Variants in TSPAN15 observed in about 807,000 individuals in gnomAD.
TSPAN15 encodes tetraspanin-15.
TSPAN15 carries 20 observed loss-of-function variants against 34.5 expected under a neutral mutation model. That is an observed-to-expected ratio of 0.58 (90% confidence interval 0.41 to 0.84). The LOEUF is 0.84. Among genes scored for constraint, TSPAN15 ranks in the 40% least tolerant of loss-of-function variants. The pLI, the probability that TSPAN15 is intolerant of heterozygous loss-of-function variation, is 0.00. For missense variants in TSPAN15, 313 were observed against 386.1 expected (o/e 0.81, Z 1.59); for synonymous variants, 155 against 153.9 (o/e 1.01, Z -0.05).
chr10:69,536,495 T>C, the TSPAN15 span, among the ~76,000 whole-genome samples: 5 of 152,272 alleles, frequency 3.3e-5, no homozygotes, highest in South Asian at 1.0e-3. Context: ...AGGGCTGCCA[T>C]TACAAAATAT....
chr10:69,469,326 G>C (rs1203984806), intron 1 of TSPAN15, among the ~76,000 whole-genome samples: 1 of 152,188 alleles, frequency 6.6e-6, no homozygotes, highest in Non-Finnish European at 1.5e-5. Context: ...GTTAATATAA[G>C]TAACCCTGAG....
At position 69,507,164 on chromosome 10, in the gene TSPAN15, C is replaced by A. The variant is rs542266124; in HGVS notation, c.*186C>A. 47 of 1,429,460 alleles carry A rather than the reference C, an allele frequency of 3.3e-5. No homozygotes were observed. In the Middle Eastern group the frequency reaches 1.0e-3, roughly 31 times the overall value. The allele number at this position is 1,429,460 out of a possible 1,614,324, so 88.5% of individuals were successfully genotyped here. A position where few individuals can be genotyped will look rare whatever the true frequency, so the allele number is the denominator to read the frequency against. On this transcript the variant is annotated 3_prime_UTR_variant, in exon 8 of 8. Transcript: ENST00000373290. ...CCCCAGGGAGCAGAGCCTGGGCCTC[C>A]CCTAAGAGGCTTTCCCCGAGGCAGC...
chr10:69,544,785 C>T, the TSPAN15 span, among the ~76,000 whole-genome samples: 11 of 152,262 alleles, frequency 7.2e-5, no homozygotes, highest in Admixed American at 2.0e-4. Context: ...GGGCCACAAG[C>T]GTGTCCAGTC....
chr10:69,497,080 G>T (rs1842101673), intron 4 of TSPAN15, among the ~76,000 whole-genome samples: 1 of 152,214 alleles, frequency 6.6e-6, no homozygotes, highest in Non-Finnish European at 1.5e-5. Context: ...CTGAGGCTCA[G>T]AGAGGCTGAC....
At chr10:69,490,971 TAG>T (rs1841956540) in intron 3 of TSPAN15, among the ~76,000 whole-genome samples, 2 of 152,212 alleles carry the variant, frequency 1.3e-5, no homozygotes, top group South Asian at 4.1e-4. Context: ...CTTACAGAAG[TAG>T]AGAGTGCTTC....
chr10:69,540,189 G>A, the TSPAN15 span, among the ~76,000 whole-genome samples: 3,978 of 152,038 alleles, frequency 0.026, 165 homozygotes, highest in African/African-American at 0.091. Context: ...TCAGGAGATC[G>A]AGACCATCCT....
chr10:69,508,159 A>G (rs1336664757), downstream of TSPAN15, among the ~76,000 whole-genome samples: 1 of 152,126 alleles, frequency 6.6e-6, no homozygotes, highest in Admixed American at 6.5e-5. Flanking sequence ...TAAAGTAGCA[A>G]GAGGCCGGGC....
intron 2 of TSPAN15, among the ~76,000 whole-genome samples, chr10:69,484,726 C>G (rs373051423): frequency 1.7e-4 from 26 of 152,088 alleles, no homozygotes; most frequent in East Asian, 1.2e-3. Context: ...TGTGGGGGAT[C>G]TGGGAAGTCA....
chr10:69,459,928 C>G (rs547218915), intron 1 of TSPAN15, among the ~76,000 whole-genome samples: 3 of 133,886 alleles, frequency 2.2e-5, no homozygotes, highest in South Asian at 2.5e-4. Context: ...GCACCCCCCC[C>G]CCACGAATGG....
At chr10:69,547,383 G>A in the TSPAN15 span, among the ~76,000 whole-genome samples, 1 of 152,132 alleles carries the variant, frequency 6.6e-6, no homozygotes, top group African/African-American at 2.4e-5. Flanking sequence ...ACCAGGCCCT[G>A]TGCTCACTGC....
intron 1 of TSPAN15, among the ~76,000 whole-genome samples, chr10:69,466,902 C>T (rs1280102046): frequency 6.6e-6 from 1 of 152,190 alleles, no homozygotes; most frequent in Non-Finnish European, 1.5e-5. Flanking sequence ...AGTTGGCGCT[C>T]TGAGGGAGAT....
the TSPAN15 span, among the ~76,000 whole-genome samples, chr10:69,526,730 C>T: frequency 3.1e-5 from 4 of 129,270 alleles, 1 homozygote; most frequent in Non-Finnish European, 6.3e-5. Context: ...GTTGAGGCTG[C>T]TATGAGCCAT....
intron 5 of TSPAN15, among the ~76,000 whole-genome samples, chr10:69,502,382 CTTG>C (rs895478637): frequency 2.0e-5 from 3 of 152,190 alleles, no homozygotes; most frequent in Admixed American, 6.5e-5. Context: ...CCTCCCCTCC[CTTG>C]TTGTTGGCTA....
the TSPAN15 span, among the ~76,000 whole-genome samples, chr10:69,539,859 G>A: frequency 5.9e-5 from 9 of 152,026 alleles, no homozygotes; most frequent in Admixed American, 5.9e-4. Flanking sequence ...TCCTTTTAAG[G>A]AAGAAACCCA....
At chr10:69,480,377 A>G (rs1018864531) in intron 1 of TSPAN15, among the ~76,000 whole-genome samples, 2 of 152,208 alleles carry the variant, frequency 1.3e-5, no homozygotes, top group African/African-American at 4.8e-5. Context: ...TTTCAAAAGT[A>G]TATCGGGCCA....
intron 1 of TSPAN15, among the ~76,000 whole-genome samples, chr10:69,457,813 G>A (rs1477539587): frequency 6.6e-6 from 1 of 152,158 alleles, no homozygotes; most frequent in East Asian, 1.9e-4. Flanking sequence ...CAGATTAGAT[G>A]GATTAATACA....
chr10:69,515,536 TA>T, the TSPAN15 span, among the ~76,000 whole-genome samples: 65 of 152,176 alleles, frequency 4.3e-4, no homozygotes, highest in African/African-American at 1.5e-3. Context: ...AGAGGAAAGA[TA>T]AAGGCCAGAC....
At chr10:69,505,567 CTT>C (rs202092249) in intron 6 of TSPAN15, among the ~76,000 whole-genome samples, 2,022 of 143,202 alleles carry the variant, frequency 0.014, 51 homozygotes, top group African/African-American at 0.048. Flanking sequence ...TGCAGAAATG[CTT>C]TTTTTTTTTT....
intron 6 of TSPAN15, among the ~76,000 whole-genome samples, chr10:69,505,457 G>A (rs184905806): frequency 6.6e-6 from 1 of 152,122 alleles, no homozygotes; most frequent in Admixed American, 6.6e-5. Flanking sequence ...TTTTAAAAAC[G>A]GTGAACAATT....
Sources: gnomAD v4.1 joint callset for allele counts (sites outside exome capture counted in the v4.1 genomes callset) on GRCh38, gnomAD v4.1.1 for gene constraint, MANE v1.5 for transcripts, NCBI Gene and HGNC (gene_info 2026-07-23, HGNC 2026-07-21) for gene names.